The following GSE1 variants were observed in gnomAD, a reference collection of about 807,000 sequenced individuals.
GSE1 encodes the protein Gse1 coiled-coil protein.
A neutral mutation model predicts 112.6 loss-of-function variants in GSE1; 32 were observed. That is an observed-to-expected ratio of 0.28 (90% CI 0.21 to 0.38). The LOEUF is 0.38. GSE1 is among the 10% of genes least tolerant of loss of function. The probability of loss-of-function intolerance (pLI) is 1.00; values close to 1 mark genes in which losing one functional copy is unlikely to be tolerated. For missense variants in GSE1, 2,348 were observed against 1,699.2 expected, an observed-to-expected ratio of 1.38 and a Z score of -6.71; for synonymous variants, 1,115 against 735.6, an observed-to-expected ratio of 1.52 and a Z score of -8.35.
intron 1 of GSE1, among the ~76,000 whole-genome samples, chr16:85,328,951 A>G (rs1293385707): frequency 6.6e-6 from 1 of 152,188 alleles, no homozygotes; most frequent in Non-Finnish European, 1.5e-5. Flanking sequence ...AGGGTGGCTG[A>G]TGCCCCTCCA....
intron 2 of GSE1, among the ~76,000 whole-genome samples, 178 bp downstream of exon 2, chr16:85,634,310 G>GCACCTC (rs1341313183): frequency 1.3e-5 from 2 of 152,254 alleles, no homozygotes; most frequent in Non-Finnish European, 2.9e-5. Context: ...GCCTGCCCCA[G>GCACCTC]CACCTCCGCT....
At chr16:85,297,926 C>T (rs746695365) in intron 1 of GSE1, among the ~76,000 whole-genome samples, 5 of 152,204 alleles carry the variant, frequency 3.3e-5, no homozygotes, top group African/African-American at 4.8e-5. Context: ...TTAGTCCCTG[C>T]GTTCCATATG....
intron 1 of GSE1, chr16:85,593,519 C>G (rs2047083873): frequency 6.5e-6 from 1 of 152,750 alleles, no homozygotes; most frequent in Non-Finnish European, 1.5e-5. Flanking sequence ...CCTCCCCTCC[C>G]CTTCCCTTGC....
chr16:85,658,619 C>T (rs774763086), intron 8 of GSE1, among the ~76,000 whole-genome samples: 1 of 152,212 alleles, frequency 6.6e-6, no homozygotes, highest in Admixed American at 6.5e-5. Context: ...CACCAGGCCA[C>T]AGCTAAGTCT....
chr16:85,556,210 T>C (rs1014466116), exon 1 of GSE1: 2 of 985,154 alleles, frequency 2.0e-6, no homozygotes, highest in South Asian at 9.4e-5. Flanking sequence ...TTTATTTTAT[T>C]GTTTTGGACA....
At chr16:85,199,679 C>T (rs920506708) in intron 1 of GSE1, among the ~76,000 whole-genome samples, 15 of 151,790 alleles carry the variant, frequency 9.9e-5, no homozygotes, top group Admixed American at 7.2e-4. Context: ...TTTTTTTTCT[C>T]TCTGAAGTCT....
At chr16:85,324,252 G>A (rs2046177953) in intron 1 of GSE1, among the ~76,000 whole-genome samples, 1 of 152,218 alleles carries the variant, frequency 6.6e-6, no homozygotes, top group Non-Finnish European at 1.5e-5. Context: ...GCTCACGCCT[G>A]TAATCCCATC....
chr16:85,246,669 C>G (rs1411389486), intron 1 of GSE1, among the ~76,000 whole-genome samples: 2 of 152,036 alleles, frequency 1.3e-5, no homozygotes, highest in Non-Finnish European at 2.9e-5. Context: ...GGGCACCAGG[C>G]CCACCCCACT....
At chr16:85,541,896 G>A (rs565374345) in intron 2 of GSE1, among the ~76,000 whole-genome samples, 2 of 152,350 alleles carry the variant, frequency 1.3e-5, no homozygotes, top group South Asian at 2.1e-4. Flanking sequence ...CACTGGGAAC[G>A]GGCTGAGCAT....
chr16:85,365,947 G>T (rs1009959920), intron 2 of GSE1, among the ~76,000 whole-genome samples: 4 of 152,242 alleles, frequency 2.6e-5, no homozygotes, highest in African/African-American at 9.6e-5. Flanking sequence ...GGGGTTTCAA[G>T]AATCAGAGTC....
At chr16:85,542,573 C>A (rs528029609) in intron 2 of GSE1, among the ~76,000 whole-genome samples, 1 of 152,356 alleles carries the variant, frequency 6.6e-6, no homozygotes, top group South Asian at 2.1e-4. Flanking sequence ...GTTGCTCCAC[C>A]CCACAAACAA....
intron 1 of GSE1, among the ~76,000 whole-genome samples, chr16:85,308,841 T>A (rs1319883964): frequency 6.7e-6 from 1 of 148,908 alleles, no homozygotes; most frequent in African/African-American, 2.5e-5. Context: ...GCCACTACCA[T>A]GACCCACAGG....
At chr16:85,552,130 A>T (rs543830633), upstream of GSE1, among the ~76,000 whole-genome samples, 3 of 151,014 alleles carry the variant, frequency 2.0e-5, no homozygotes, top group African/African-American at 7.3e-5. Flanking sequence ...GGTTCACACC[A>T]TTCTCTTGCC....
chr16:85,472,740 T>G (rs1256663584), intron 2 of GSE1, among the ~76,000 whole-genome samples: 1 of 152,122 alleles, frequency 6.6e-6, no homozygotes. Context: ...GGAAATGACT[T>G]TAAACGGCCT....
chr16:85,644,825 C>T (rs188065142), intron 2 of GSE1, among the ~76,000 whole-genome samples: 540 of 151,088 alleles, frequency 3.6e-3, no homozygotes, highest in African/African-American at 0.012. Context: ...GCTATAACAA[C>T]TGAAACCCAA....
At position 85,180,421 on chromosome 16, in the gene GSE1, G is replaced by T. The variant is rs144808272; in HGVS notation, c.2283+8614G>T. ...TTAGTGTCATTTGTTGGCACAGAAA[G>T]GGTATTTAGGTTCCGGCCCTCCACT... On this transcript the variant is annotated intron_variant, in intron 1 of 2. Transcript: ENST00000637419. Among the ~76,000 whole-genome samples, 659 of 152,292 alleles carry T rather than the reference G, an allele frequency of 4.3e-3. 8 individuals carry two copies. The highest frequency in any genetic ancestry group is 0.014 in the African/African-American group (581 of 41,560).
At chr16:85,339,061 G>A (rs1050918093) in intron 1 of GSE1, among the ~76,000 whole-genome samples, 2 of 152,206 alleles carry the variant, frequency 1.3e-5, no homozygotes, top group Non-Finnish European at 2.9e-5. Flanking sequence ...GTCATGGGCA[G>A]GTGGATGCCC....
chr16:85,300,237 C>T (rs2045483051), intron 1 of GSE1, among the ~76,000 whole-genome samples: 1 of 152,180 alleles, frequency 6.6e-6, no homozygotes, highest in Non-Finnish European at 1.5e-5. Flanking sequence ...GTCTCGAACT[C>T]CTGACCTCAG....
chr16:85,438,934 C>T (rs1403822066), intron 2 of GSE1, among the ~76,000 whole-genome samples: 1 of 152,228 alleles, frequency 6.6e-6, no homozygotes, highest in African/African-American at 2.4e-5. Context: ...GGCCTCCTGC[C>T]TGCCTCCAGG....
Sources: gnomAD v4.1 joint callset for allele counts (sites outside exome capture counted in the v4.1 genomes callset) on GRCh38, gnomAD v4.1.1 for gene constraint, MANE v1.5 for transcripts, NCBI Gene and HGNC (gene_info 2026-07-23, HGNC 2026-07-21) for gene names.